Variants in AFG2A observed in about 807,000 individuals in gnomAD.
AFG2A encodes ATPase family gene 2 protein homolog A.
At chr4:123,056,513 T>A in the AFG2A span, 2 of 1,319,946 alleles carry the variant, frequency 1.5e-6, no homozygotes, top group South Asian at 1.7e-5. Flanking sequence ...TTCCCTTTTG[T>A]TTTAGGTAAC....
At chr4:123,138,511 A>T in the AFG2A span, among the ~76,000 whole-genome samples, 1 of 152,162 alleles carries the variant, frequency 6.6e-6, no homozygotes, top group Middle Eastern at 3.2e-3. Context: ...AGAAACTTTA[A>T]ACATTTTTGA....
chr4:123,000,399 G>C, the AFG2A span, among the ~76,000 whole-genome samples: 2 of 151,876 alleles, frequency 1.3e-5, no homozygotes, highest in Non-Finnish European at 2.9e-5. Context: ...CAAAGGGAAT[G>C]CTTCCAGTTT....
the AFG2A span, among the ~76,000 whole-genome samples, chr4:123,249,804 G>A: frequency 2.0e-5 from 3 of 152,172 alleles, no homozygotes; most frequent in Admixed American, 2.0e-4. Context: ...AGAAGTGACA[G>A]GTTTAAGAGA....
chr4:123,003,480 T>G, the AFG2A span, among the ~76,000 whole-genome samples: 2 of 152,266 alleles, frequency 1.3e-5, no homozygotes, highest in African/African-American at 4.8e-5. Context: ...CAGGTGGGTT[T>G]TTGGTGTGGA....
At chr4:123,216,886 C>T in the AFG2A span, among the ~76,000 whole-genome samples, 1 of 152,010 alleles carries the variant, frequency 6.6e-6, no homozygotes, top group African/African-American at 2.4e-5. Flanking sequence ...CCAGACTGGT[C>T]TCATGTCTCC....
the AFG2A span, among the ~76,000 whole-genome samples, chr4:123,282,784 A>T: frequency 6.6e-6 from 1 of 151,736 alleles, no homozygotes; most frequent in Non-Finnish European, 1.5e-5. Flanking sequence ...AAAAAAAAAA[A>T]AAGTACAAGG....
At chr4:123,037,736 G>A in the AFG2A span, among the ~76,000 whole-genome samples, 21 of 152,108 alleles carry the variant, frequency 1.4e-4, no homozygotes, top group Non-Finnish European at 2.7e-4. Flanking sequence ...TGAATTGCTG[G>A]TACTGTGTAA....
chr4:123,307,247 T>G, the AFG2A span, among the ~76,000 whole-genome samples: 1 of 152,218 alleles, frequency 6.6e-6, no homozygotes, highest in African/African-American at 2.4e-5. Flanking sequence ...GTTCAGATGA[T>G]CCTCCCATCT....
At chr4:123,184,098 G>A in the AFG2A span, among the ~76,000 whole-genome samples, 1 of 151,908 alleles carries the variant, frequency 6.6e-6, no homozygotes, top group Non-Finnish European at 1.5e-5. Flanking sequence ...ACCTGGCCCC[G>A]ACCTGATTTT....
At chr4:123,226,314 T>C in the AFG2A span, among the ~76,000 whole-genome samples, 1 of 152,104 alleles carries the variant, frequency 6.6e-6, no homozygotes. Flanking sequence ...ATGCTTCCAG[T>C]TTTTGCCCAT....
At chr4:123,281,338 G>T in the AFG2A span, among the ~76,000 whole-genome samples, 1 of 152,112 alleles carries the variant, frequency 6.6e-6, no homozygotes, top group Non-Finnish European at 1.5e-5. Context: ...AATTCTCAAA[G>T]ATAGTGTGAA....
chr4:123,045,917 G>A, the AFG2A span, among the ~76,000 whole-genome samples: 1,827 of 151,960 alleles, frequency 0.012, 42 homozygotes, highest in African/African-American at 0.041. Context: ...CCAACATAGT[G>A]GAACCCCGTC....
the AFG2A span, chr4:123,028,320 G>A: frequency 1.2e-4 from 193 of 1,614,072 alleles, 1 homozygote; most frequent in South Asian, 2.0e-3. Context: ...TTCTCTATGG[G>A]CCACCTGGGT....
chr4:122,942,037 G>A, the AFG2A span, among the ~76,000 whole-genome samples: 11 of 151,876 alleles, frequency 7.2e-5, no homozygotes, highest in African/African-American at 1.9e-4. Flanking sequence ...CGGTTTGCCA[G>A]TATTTTATTG....
chr4:123,213,707 G>A, the AFG2A span, among the ~76,000 whole-genome samples: 1 of 152,164 alleles, frequency 6.6e-6, no homozygotes, highest in Admixed American at 6.5e-5. Flanking sequence ...TCTTGTAGAG[G>A]CATTTGCTCC....
chr4:123,287,328 C>G, the AFG2A span, among the ~76,000 whole-genome samples: 1 of 152,150 alleles, frequency 6.6e-6, no homozygotes, highest in African/African-American at 2.4e-5. Context: ...CACTTCAACT[C>G]AATAGTAGTC....
At chr4:123,232,656 C>A in the AFG2A span, among the ~76,000 whole-genome samples, 3 of 151,838 alleles carry the variant, frequency 2.0e-5, no homozygotes, top group African/African-American at 7.3e-5. Context: ...ATAGCTAAGA[C>A]AGGATAATGT....
chr4:122,951,594 G>A, the AFG2A span, among the ~76,000 whole-genome samples: 1 of 152,122 alleles, frequency 6.6e-6, no homozygotes, highest in Admixed American at 6.5e-5. Context: ...ATGTCATGCC[G>A]GATGCCTGTT....
At chr4:122,952,103 C>G in the AFG2A span, among the ~76,000 whole-genome samples, 1 of 152,158 alleles carries the variant, frequency 6.6e-6, no homozygotes, top group South Asian at 2.1e-4. Context: ...GCATCAGGAC[C>G]CCTTTTGTAA....
Sources: allele counts gnomAD v4.1 joint callset (sites outside exome capture counted in the v4.1 genomes callset), GRCh38; gene constraint gnomAD v4.1.1; transcripts MANE v1.5; gene names NCBI Gene and HGNC (gene_info 2026-07-23, HGNC 2026-07-21).